The following EPHX1 variants were observed in gnomAD, a reference collection of about 807,000 sequenced individuals.
EPHX1 encodes the protein epoxide hydratase.
EPHX1 carries 40 observed loss-of-function variants against 43.2 expected under a neutral mutation model. That is an observed-to-expected ratio of 0.93 (90% confidence interval 0.72 to 1.21). The LOEUF (loss-of-function observed/expected upper bound fraction) is 1.21, where lower values mean the gene tolerates loss of function less well. Among genes scored for constraint, EPHX1 ranks in the 50% most tolerant of loss-of-function variants. The pLI, the probability that EPHX1 is intolerant of heterozygous loss-of-function variation, is 0.00. For synonymous variants in EPHX1, 221 were observed against 226.7 expected (o/e 0.98, Z 0.22); for missense variants, 550 against 570.4 (o/e 0.96, Z 0.36).
intron 1 of EPHX1, among the ~76,000 whole-genome samples, chr1:225,823,592 C>T (rs1015655581): frequency 6.6e-6 from 1 of 152,204 alleles, no homozygotes; most frequent in African/African-American, 2.4e-5. Flanking sequence ...AGTGACTTAT[C>T]AACTGGCCCA....
chr1:225,813,865 A>G lies in EPHX1; in HGVS notation c.-6+3696A>G, dbSNP rs77781824. On this transcript the variant is annotated intron_variant, in intron 1 of 8. Coordinates refer to ENST00000272167, the MANE Select transcript of EPHX1 (RefSeq NM_001136018.4). ...TAGGCTCTCCAAGGCCTAACTGAGC[A>G]AGCTTGCAGAAGAGGGGAAAGTGTT... is the stretch of plus-strand genomic sequence containing the variant. Among the ~76,000 whole-genome samples the G allele has an allele frequency of 2.3e-3, 343 of 152,296 alleles. 12 individuals carry two copies. The East Asian group carries it at 0.045, about 20-fold the overall frequency.
At chr1:225,835,700 T>C (rs113081096) in intron 3 of EPHX1, among the ~76,000 whole-genome samples, 4,712 of 149,372 alleles carry the variant, frequency 0.032, 98 homozygotes, top group Middle Eastern at 0.062. Flanking sequence ...TTGTTTTTTC[T>C]TTCCTTTTTT....
intron 1 of EPHX1, among the ~76,000 whole-genome samples, chr1:225,823,774 CT>C (rs1667094702): frequency 6.7e-6 from 1 of 149,390 alleles, no homozygotes; most frequent in Non-Finnish European, 1.5e-5. Context: ...AGCAGTCCTT[CT>C]CACTCTGGGC....
chr1:225,813,017 C>G (rs983978835), intron 1 of EPHX1, among the ~76,000 whole-genome samples: 6 of 152,226 alleles, frequency 3.9e-5, no homozygotes, highest in African/African-American at 7.2e-5. Context: ...AATGTGTCCC[C>G]TCTCTGGACC....
Position 225,844,203 on chromosome 1 carries a change from G to C in EPHX1, c.1041-295G>C, listed in dbSNP as rs45556036. 7.2e-3 allele frequency among the ~76,000 whole-genome samples: 1,089 copies of C among 152,220 alleles called. 16 individuals carry two copies. Among genetic ancestry groups the C allele is most frequent in the African/African-American group, 0.025 (1,037 of 41,522 alleles). ...CCCTGAGCAGTTTCACGGTGCAGGGGTTGAGGGGAGGGAGGAGAGGTCAGT... is the reference window on the plus strand; with the variant it reads ...CCCTGAGCAGTTTCACGGTGCAGGGCTTGAGGGGAGGGAGGAGAGGTCAGT... On this transcript the variant is annotated intron_variant, in intron 7 of 8. Transcript: ENST00000272167.
At chr1:225,841,082 A>G (rs546982754) in intron 6 of EPHX1, 1 of 152,320 alleles carries the variant, frequency 6.6e-6, no homozygotes, top group Non-Finnish European at 1.5e-5. Context: ...AAGTACGTCC[A>G]TATCACCAAC....
At chr1:225,831,574 G>GAAAA (rs1667603106) in intron 2 of EPHX1, among the ~76,000 whole-genome samples, 1 of 151,490 alleles carries the variant, frequency 6.6e-6, no homozygotes, top group Admixed American at 6.6e-5. Context: ...AAAGAAAAAA[G>GAAAA]AAATGCGAAG....
rs1023122857 is a variant in EPHX1, at chr1:225,815,243, G to A, written c.-6+5074G>A. ...AGTGATACCCTGTCAGGACATCGTT[G>A]TTTTTGTCTTGTTTTTTTTTGAGAC... On this transcript the variant is annotated intron_variant, in intron 1 of 8. Transcript: ENST00000272167. Among the ~76,000 whole-genome samples the A allele has an allele frequency of 2.2e-5, 3 of 135,286 alleles. 1 individual carries two copies. Among genetic ancestry groups the A allele is most frequent in the Non-Finnish European group, 3.4e-5 (2 of 59,502 alleles). 88.8% of individuals were successfully genotyped at this position (135,286 alleles called of 152,430 possible).
At position 225,845,166 on chromosome 1, in the gene EPHX1, C is replaced by T. The variant is rs1235534174; in HGVS notation, c.1187C>T (p.Thr396Ile). Reference protein sequence around the residue: ...KHERMKVYVPTGFSAFPFELL... With the variant: ...KHERMKVYVPIGFSAFPFELL... ...TCCAGGATGAAGGTCTATGTGCCCA[C>T]TGGCTTCTCTGCCTTCCCTTTTGAG... The change falls in exon 9 of 9, where the codon ACT becomes ATT. Residue 396 changes from threonine to isoleucine, a missense_variant. By Grantham distance (89) the Thr-to-Ile change is moderately conservative. Transcript: ENST00000272167. 1.9e-6 allele frequency: 3 copies of T among 1,614,162 alleles called. No homozygotes were observed. Among genetic ancestry groups the T allele is most frequent in the African/African-American group, 1.3e-5 (1 of 75,040 alleles).
At chr1:225,822,925 C>T (rs1240603570) in intron 1 of EPHX1, among the ~76,000 whole-genome samples, 1 of 151,908 alleles carries the variant, frequency 6.6e-6, no homozygotes, top group Non-Finnish European at 1.5e-5. Context: ...ACGGCTGCAG[C>T]GGGACCTTGG....
At chr1:225,818,965 C>G (rs375260593) in intron 1 of EPHX1, among the ~76,000 whole-genome samples, 1 of 148,344 alleles carries the variant, frequency 6.7e-6, no homozygotes, top group African/African-American at 2.5e-5. Flanking sequence ...TGGTGGCTCA[C>G]GCCTGTAATC....
rs372126796 is a variant in EPHX1, at chr1:225,844,619, G to A, written c.1162G>A (p.Glu388Lys). Reference protein sequence around the residue: ...LGQGWMTQKHERMKVYVPTGF... With the variant: ...LGQGWMTQKHKRMKVYVPTGF... ...ACAGGGCTGGATGACCCAGAAGCATGAGCGGTGAGCCTGGCTGAGCCGAGA... is the reference window on the plus strand; with the variant it reads ...ACAGGGCTGGATGACCCAGAAGCATAAGCGGTGAGCCTGGCTGAGCCGAGA... The change falls in exon 8 of 9, where the codon GAG becomes AAG. Residue 388 changes from glutamate to lysine, a missense_variant. By Grantham distance (56) the Glu-to-Lys change is moderately conservative. Transcript: ENST00000272167. 6.2e-7 allele frequency: 1 copy of A among 1,614,066 alleles called. No individual in the cohort carries two copies. The highest frequency in any genetic ancestry group is 8.5e-7 in the Non-Finnish European group (1 of 1,180,012).
At chr1:225,844,042 G>A (rs1158274401) in intron 7 of EPHX1, among the ~76,000 whole-genome samples, 2 of 152,014 alleles carry the variant, frequency 1.3e-5, no homozygotes, top group Non-Finnish European at 2.9e-5. Flanking sequence ...GGCTAGGTTT[G>A]GATTCTCCAC....
At chr1:225,830,527 C>T (rs889663759) in intron 2 of EPHX1, among the ~76,000 whole-genome samples, 9 of 152,086 alleles carry the variant, frequency 5.9e-5, no homozygotes, top group Non-Finnish European at 1.0e-4. Context: ...TGCAGTGGTG[C>T]GATCTTGGCT....
At chr1:225,831,717 C>A in intron 2 of EPHX1, 62 bp from the exon 3 acceptor site, 1 of 1,558,490 alleles carries the variant, frequency 6.4e-7, no homozygotes. Flanking sequence ...TGGAAACAGA[C>A]TTTGCTCTTG....
chr1:225,838,543 CG>C, intron 3 of EPHX1, 110 bp from the exon 4 acceptor site: 1 of 871,550 alleles, frequency 1.1e-6, no homozygotes, highest in Non-Finnish European at 1.8e-6. Flanking sequence ...GAAGGGGCGG[CG>C]GGGGCACTAA....
At chr1:225,842,597 C>T (rs1477472725) in intron 7 of EPHX1, 123 bp downstream of exon 7, 1 of 799,906 alleles carries the variant, frequency 1.3e-6, no homozygotes, top group African/African-American at 1.7e-5. Context: ...TGTTGGCTTT[C>T]TTACAAATCC....
At chr1:225,824,344 A>C (rs1364245438) in intron 1 of EPHX1, among the ~76,000 whole-genome samples, 1 of 152,144 alleles carries the variant, frequency 6.6e-6, no homozygotes, top group Non-Finnish European at 1.5e-5. Context: ...GGTGCAACAC[A>C]CCCAGTGACA....
chr1:225,812,134 G>A (rs993533875), intron 1 of EPHX1, among the ~76,000 whole-genome samples: 1 of 152,134 alleles, frequency 6.6e-6, no homozygotes, highest in East Asian at 1.9e-4. Context: ...CCTGATGTTT[G>A]TGTTTGCAGA....
Sources: gnomAD v4.1 joint callset for allele counts (sites outside exome capture counted in the v4.1 genomes callset) on GRCh38, gnomAD v4.1.1 for gene constraint, MANE v1.5 for transcripts, NCBI Gene and HGNC (gene_info 2026-07-23, HGNC 2026-07-21) for gene names.